The following NCKAP5 variants were observed in gnomAD, a reference collection of about 807,000 sequenced individuals.
The protein encoded by NCKAP5 is NCK associated protein 5.
Under a neutral mutation model 167.0 loss-of-function variants are expected in NCKAP5, and 92 were observed. That is an observed-to-expected ratio of 0.55 (90% CI 0.47 to 0.66). The LOEUF is 0.66. NCKAP5 is among the 30% of genes least tolerant of loss of function. NCKAP5 has a pLI of 0.00. For missense variants in NCKAP5, 2,378 were observed against 2,315.0 expected (o/e 1.03, Z -0.56); for synonymous variants, 891 against 877.4 (o/e 1.02, Z -0.27).
intron 8 of NCKAP5, among the ~76,000 whole-genome samples, chr2:132,927,915 G>T (rs1696040097): frequency 6.6e-6 from 1 of 152,088 alleles, no homozygotes; most frequent in Non-Finnish European, 1.5e-5. Context: ...AGAAGAGACA[G>T]AGCCATATTT....
At chr2:133,378,084 G>A (rs1686277130) in intron 3 of NCKAP5, among the ~76,000 whole-genome samples, 1 of 152,174 alleles carries the variant, frequency 6.6e-6, no homozygotes, top group Non-Finnish European at 1.5e-5. Context: ...GCTATATGCT[G>A]ATGTCTGTAT....
At chr2:132,701,483 A>G (rs1687880615) in intron 19 of NCKAP5, among the ~76,000 whole-genome samples, 1 of 152,158 alleles carries the variant, frequency 6.6e-6, no homozygotes, top group Admixed American at 6.5e-5. Context: ...TAATTGCAAA[A>G]CCAAATACCA....
intron 16 of NCKAP5, among the ~76,000 whole-genome samples, chr2:132,754,817 T>C (rs1680401992): frequency 1.3e-5 from 2 of 152,240 alleles, no homozygotes; most frequent in Non-Finnish European, 2.9e-5. Context: ...CAGGGAAATA[T>C]GAACTTTTTG....
At chr2:133,669,711 G>A in the NCKAP5 span, among the ~76,000 whole-genome samples, 378 of 152,230 alleles carry the variant, frequency 2.5e-3, 1 homozygote, top group African/African-American at 7.9e-3. Flanking sequence ...TGGGTGGAGC[G>A]TTGTCCAATT....
At chr2:133,505,496 A>G (rs1682924507) in intron 3 of NCKAP5, among the ~76,000 whole-genome samples, 1 of 152,224 alleles carries the variant, frequency 6.6e-6, no homozygotes, top group African/African-American at 2.4e-5. Flanking sequence ...TTTCCAGGGT[A>G]GAGAAGTCTG....
At chr2:132,679,591 C>T (rs930526186) in intron 19 of NCKAP5, among the ~76,000 whole-genome samples, 3 of 152,110 alleles carry the variant, frequency 2.0e-5, no homozygotes, top group African/African-American at 7.2e-5. Context: ...TTAGTTTGCA[C>T]AGAGAAGTGT....
At chr2:132,945,753 C>A (rs61257975) in intron 8 of NCKAP5, among the ~76,000 whole-genome samples, 6,998 of 152,194 alleles carry the variant, frequency 0.046, 458 homozygotes, top group African/African-American at 0.14. Flanking sequence ...TTATTTAATC[C>A]ATTTGCATAT....
At chr2:133,194,391 T>C (rs2085350467) in intron 5 of NCKAP5, among the ~76,000 whole-genome samples, 1 of 152,036 alleles carries the variant, frequency 6.6e-6, no homozygotes, top group East Asian at 1.9e-4. Context: ...ATTCCACACA[T>C]ACGGTAGGAA....
At chr2:132,873,413 G>A (rs569587332) in intron 9 of NCKAP5, among the ~76,000 whole-genome samples, 3 of 152,178 alleles carry the variant, frequency 2.0e-5, no homozygotes, top group Non-Finnish European at 4.4e-5. Context: ...GCGCCCAGCC[G>A]AAAAAATGTT....
intron 7 of NCKAP5, among the ~76,000 whole-genome samples, chr2:132,973,710 T>C (rs1206536426): frequency 6.6e-6 from 1 of 151,818 alleles, no homozygotes; most frequent in African/African-American, 2.4e-5. Context: ...TATCTTCCCA[T>C]TTCCTCACCT....
chr2:133,411,466 A>T (rs1688769697), intron 3 of NCKAP5, among the ~76,000 whole-genome samples: 1 of 152,238 alleles, frequency 6.6e-6, no homozygotes, highest in Non-Finnish European at 1.5e-5. Context: ...GATCTGCAGC[A>T]GGACAAGGAA....
intron 6 of NCKAP5, among the ~76,000 whole-genome samples, chr2:133,115,842 A>ACACACACACACACACG (rs555941818): frequency 2.1e-5 from 3 of 142,468 alleles, no homozygotes; most frequent in East Asian, 4.0e-4. Context: ...ACACACACAC[A>ACACACACACACACACG]CGCCCTTCTC....
intron 11 of NCKAP5, among the ~76,000 whole-genome samples, chr2:132,856,088 C>A (rs182627646): frequency 6.6e-6 from 1 of 152,264 alleles, no homozygotes; most frequent in East Asian, 1.9e-4. Context: ...GGCGTGAACC[C>A]GGGAGGCAAA....
the NCKAP5 span, among the ~76,000 whole-genome samples, chr2:133,635,911 C>A: frequency 2.6e-5 from 4 of 152,228 alleles, no homozygotes; most frequent in Admixed American, 1.3e-4. Flanking sequence ...CTGAGCCTAA[C>A]CTTGAAGAGT....
intron 6 of NCKAP5, among the ~76,000 whole-genome samples, chr2:133,056,348 T>TA (rs2079801178): frequency 6.6e-6 from 1 of 152,202 alleles, no homozygotes; most frequent in Admixed American, 6.5e-5. Flanking sequence ...ATGATCTTAT[T>TA]ATATAGTTCC....
intron 9 of NCKAP5, among the ~76,000 whole-genome samples, chr2:132,871,699 A>G (rs2874173): frequency 0.41 from 62,805 of 151,982 alleles, 13,672 homozygotes; most frequent in East Asian, 0.71. Context: ...TTGGAAAATT[A>G]TTTGCTCCTC....
the NCKAP5 span, among the ~76,000 whole-genome samples, chr2:133,649,051 A>G: frequency 6.6e-6 from 1 of 151,928 alleles, no homozygotes. Flanking sequence ...AAATGAAAGA[A>G]GAGACATTGC....
intron 5 of NCKAP5, among the ~76,000 whole-genome samples, chr2:133,199,056 T>TA: frequency 6.6e-6 from 1 of 152,092 alleles, no homozygotes; most frequent in Middle Eastern, 3.4e-3. Context: ...TATCTACATT[T>TA]AAAAAAATAC....
At chr2:133,615,390 G>T in the NCKAP5 span, among the ~76,000 whole-genome samples, 4 of 151,928 alleles carry the variant, frequency 2.6e-5, no homozygotes, top group Admixed American at 6.6e-5. Flanking sequence ...TCAGTGTGCT[G>T]TATTCAGGAA....
Sources: allele counts gnomAD v4.1 joint callset (sites outside exome capture counted in the v4.1 genomes callset), GRCh38; gene constraint gnomAD v4.1.1; transcripts MANE v1.5; gene names NCBI Gene and HGNC (gene_info 2026-07-23, HGNC 2026-07-21).